MGAT4C: variants seen among roughly 807,000 people sequenced by gnomAD.
The protein encoded by MGAT4C is MGAT4 family member C.
A neutral mutation model predicts 40.1 loss-of-function variants in MGAT4C; 19 were observed. The observed-to-expected ratio is 0.47, with a 90% CI of 0.33 to 0.70. The LOEUF (loss-of-function observed/expected upper bound fraction) is 0.70. Among genes scored for constraint, MGAT4C ranks in the 30% least tolerant of loss-of-function variants. The pLI is 0.02. For missense variants in MGAT4C, 491 were observed against 563.2 expected (o/e 0.87, Z 1.30); for synonymous variants, 181 against 187.1 (o/e 0.97, Z 0.27).
At chr12:86,358,584 T>G (rs1324603336) in intron 3 of MGAT4C, among the ~76,000 whole-genome samples, 1 of 152,118 alleles carries the variant, frequency 6.6e-6, no homozygotes, top group Admixed American at 6.5e-5. Flanking sequence ...AGGAGGCCCA[T>G]CTCATGTGCA....
At chr12:86,254,151 A>T (rs1247806326) in intron 1 of MGAT4C, among the ~76,000 whole-genome samples, 7 of 151,980 alleles carry the variant, frequency 4.6e-5, no homozygotes, top group African/African-American at 1.4e-4. Flanking sequence ...TGTACTGGGA[A>T]GCCTTCCTAG....
intron 3 of MGAT4C, among the ~76,000 whole-genome samples, chr12:86,353,769 T>C (rs1171982590): frequency 1.3e-5 from 2 of 152,110 alleles, no homozygotes; most frequent in Non-Finnish European, 2.9e-5. Flanking sequence ...TTATCTAAAG[T>C]GAGGAAGCAA....
intron 2 of MGAT4C, among the ~76,000 whole-genome samples, chr12:86,465,029 G>A (rs1412352892): frequency 6.6e-6 from 1 of 152,090 alleles, no homozygotes; most frequent in African/African-American, 2.4e-5. Flanking sequence ...GCTCAGATCA[G>A]TTAGATAATT....
intron 2 of MGAT4C, among the ~76,000 whole-genome samples, chr12:86,044,981 C>T (rs920387844): frequency 1.1e-4 from 16 of 151,998 alleles, no homozygotes; most frequent in Admixed American, 9.8e-4. Context: ...CTGTTCAATC[C>T]ACCCCTTCCC....
intron 1 of MGAT4C, among the ~76,000 whole-genome samples, chr12:86,237,469 T>C (rs534561738): frequency 1.3e-5 from 2 of 151,996 alleles, no homozygotes; most frequent in East Asian, 1.9e-4. Flanking sequence ...AGACATACAA[T>C]ACAGCCATAA....
At chr12:86,175,629 T>C (rs902697596) in intron 1 of MGAT4C, among the ~76,000 whole-genome samples, 1 of 152,024 alleles carries the variant, frequency 6.6e-6, no homozygotes, top group African/African-American at 2.4e-5. Flanking sequence ...GTGTGGTAGT[T>C]CTCAAACTTT....
intron 2 of MGAT4C, among the ~76,000 whole-genome samples, chr12:86,534,521 T>C (rs1959038727): frequency 6.6e-6 from 1 of 152,130 alleles, no homozygotes; most frequent in African/African-American, 2.4e-5. Flanking sequence ...GTTCACACAG[T>C]CATCTCAGAA....
intron 4 of MGAT4C, among the ~76,000 whole-genome samples, chr12:86,295,223 T>G (rs1312544412): frequency 4.6e-5 from 7 of 152,218 alleles, no homozygotes; most frequent in Non-Finnish European, 1.0e-4. Context: ...GACATTTTGT[T>G]CTAGCCTTAG....
chr12:86,618,692 G>T (rs1201940519), intron 2 of MGAT4C, among the ~76,000 whole-genome samples: 3 of 152,050 alleles, frequency 2.0e-5, no homozygotes, highest in Non-Finnish European at 4.4e-5. Context: ...GTCTGTGGTG[G>T]GGGATAAAAA....
chr12:86,819,901 AT>A (rs1272496835), intron 1 of MGAT4C, among the ~76,000 whole-genome samples: 1 of 150,762 alleles, frequency 6.6e-6, no homozygotes, highest in African/African-American at 2.4e-5. Context: ...TATTTAACAA[AT>A]AAGTAAAGCT....
rs1213172028 is a variant in MGAT4C at position 85,971,823 on chromosome 12, G to C, written c.*7466C>G. 6.6e-6 allele frequency: 1 copy of C among 151,094 alleles called. No individual in the cohort carries two copies. The highest frequency in any genetic ancestry group is 1.5e-5 in the Non-Finnish European group (1 of 67,286). 9.4% of individuals were successfully genotyped at this position (151,094 alleles called of 1,614,324 possible). ...ACCTCATGTTTGTAACATTTCCCCT[G>C]TTGTTATTTTTACACATCTGGATGC... On this transcript the variant is annotated 3_prime_UTR_variant, in exon 5 of 5. Coordinates refer to ENST00000611864, the MANE Select transcript of MGAT4C (RefSeq NM_001351288.2).
intron 2 of MGAT4C, among the ~76,000 whole-genome samples, chr12:86,046,413 T>C (rs1173469773): frequency 6.6e-6 from 1 of 152,154 alleles, no homozygotes. Context: ...GACCAAGGCA[T>C]TTTTGGTAGA....
chr12:86,086,670 G>A (rs1871909894), intron 1 of MGAT4C, among the ~76,000 whole-genome samples: 1 of 151,812 alleles, frequency 6.6e-6, no homozygotes, highest in South Asian at 2.1e-4. Context: ...ATTTCTTTGT[G>A]TTAGGAACAT....
chr12:86,424,743 G>A (rs980079606), intron 3 of MGAT4C, among the ~76,000 whole-genome samples: 4 of 151,954 alleles, frequency 2.6e-5, no homozygotes, highest in Non-Finnish European at 5.9e-5. Flanking sequence ...TAATAAAGGA[G>A]GTACTACTAA....
chr12:86,470,904 A>G (rs1369769899), intron 2 of MGAT4C, among the ~76,000 whole-genome samples: 1 of 152,092 alleles, frequency 6.6e-6, no homozygotes, highest in African/African-American at 2.4e-5. Flanking sequence ...GGTGAGGAAC[A>G]ATGCTTTAAA....
At chr12:86,823,939 A>G (rs1448753142) in intron 1 of MGAT4C, among the ~76,000 whole-genome samples, 2 of 151,458 alleles carry the variant, frequency 1.3e-5, no homozygotes, top group Non-Finnish European at 3.0e-5. Context: ...TCCCTTATGC[A>G]GGTTTTCAGT....
At chr12:86,669,007 C>G (rs1208309641) in intron 2 of MGAT4C, among the ~76,000 whole-genome samples, 3 of 152,176 alleles carry the variant, frequency 2.0e-5, no homozygotes, top group Non-Finnish European at 4.4e-5. Context: ...TCTTCACACA[C>G]AGGCAGAACT....
chr12:86,525,082 G>C (rs996488207), intron 2 of MGAT4C, among the ~76,000 whole-genome samples: 5 of 152,088 alleles, frequency 3.3e-5, no homozygotes, highest in Non-Finnish European at 5.9e-5. Flanking sequence ...ACTATAATAT[G>C]GTTTGGCTCT....
chr12:86,632,131 T>C lies in MGAT4C; in HGVS notation c.-229+95078A>G, dbSNP rs955079127. 3.3e-5 allele frequency among the ~76,000 whole-genome samples: 5 copies of C among 152,174 alleles called. 1 individual carries two copies. Among genetic ancestry groups the C allele is most frequent in the African/African-American group, 1.2e-4 (5 of 41,452 alleles). On this transcript the variant is annotated intron_variant, in intron 2 of 7. Transcript: ENST00000548651. ...GATACTTCTCAAAAGAAGACATTTA[T>C]GCAGCCAGCAGACACATGAAAAAAT...
Sources: allele counts gnomAD v4.1 joint callset (sites outside exome capture counted in the v4.1 genomes callset), GRCh38; gene constraint gnomAD v4.1.1; transcripts MANE v1.5; gene names NCBI Gene and HGNC (gene_info 2026-07-23, HGNC 2026-07-21).